The following ADAM2 variants were observed in gnomAD, a reference collection of about 807,000 sequenced individuals.
ADAM2 encodes the protein ADAM metallopeptidase domain 2.
In ADAM2, 101 loss-of-function variants were observed where a neutral mutation model predicts 99.3. The observed-to-expected ratio is 1.02, with a 90% CI of 0.87 to 1.20. The LOEUF (loss-of-function observed/expected upper bound fraction) is 1.20. Ranked by LOEUF, ADAM2 falls within the 50% of genes most tolerant of loss-of-function variation. ADAM2 has a pLI of 0.00. For synonymous variants in ADAM2, 323 were observed against 287.6 expected, an observed-to-expected ratio of 1.12 and a Z score of -1.25; for missense variants, 948 against 878.7, an observed-to-expected ratio of 1.08 and a Z score of -1.00.
At chr8:39,761,611 T>C (rs1802373515) in intron 14 of ADAM2, among the ~76,000 whole-genome samples, 1 of 152,206 alleles carries the variant, frequency 6.6e-6, no homozygotes, top group South Asian at 2.1e-4. Context: ...AATTGACTTA[T>C]TTGTCAAATA....
intron 20 of ADAM2, 99 bp from the exon 21 acceptor site, chr8:39,744,163 T>C (rs925116803): frequency 1.3e-5 from 2 of 152,144 alleles, no homozygotes; most frequent in Non-Finnish European, 2.9e-5. Flanking sequence ...AGTAGACTTA[T>C]ATCATGCAAT....
intron 12 of ADAM2, 136 bp downstream of exon 12, chr8:39,769,256 T>A (rs1354899111): frequency 1.6e-6 from 1 of 634,332 alleles, no homozygotes; most frequent in African/African-American, 1.8e-5. Flanking sequence ...TTAGTTGTTA[T>A]AATACCTACA....
At chr8:39,794,769 C>G (rs535612018) in intron 7 of ADAM2, among the ~76,000 whole-genome samples, 1 of 152,124 alleles carries the variant, frequency 6.6e-6, no homozygotes, top group Admixed American at 6.6e-5. Context: ...TTAAAAGGGA[C>G]AGGAATTGCT....
intron 6 of ADAM2, among the ~76,000 whole-genome samples, chr8:39,819,044 T>C (rs929317348): frequency 8.6e-5 from 13 of 152,034 alleles, no homozygotes; most frequent in African/African-American, 2.9e-4. Context: ...TAAAATACGT[T>C]TGGAAATGCA....
intron 6 of ADAM2, among the ~76,000 whole-genome samples, chr8:39,820,628 TA>T (rs1805136208): frequency 6.6e-6 from 1 of 152,142 alleles, no homozygotes. Flanking sequence ...CCTTACAAGA[TA>T]GGGGTGACTC....
At chr8:39,782,232 A>T (rs1803264857) in intron 10 of ADAM2, among the ~76,000 whole-genome samples, 1 of 152,110 alleles carries the variant, frequency 6.6e-6, no homozygotes, top group Admixed American at 6.6e-5. Flanking sequence ...GTAGGTTCTA[A>T]ATTTAACAAA....
At chr8:39,795,229 T>A (rs1370681796) in intron 7 of ADAM2, among the ~76,000 whole-genome samples, 1 of 152,110 alleles carries the variant, frequency 6.6e-6, no homozygotes, top group Non-Finnish European at 1.5e-5. Flanking sequence ...ACCAATCATC[T>A]GAATGACCCC....
intron 11 of ADAM2, among the ~76,000 whole-genome samples, chr8:39,772,167 G>C (rs898716891): frequency 6.6e-6 from 1 of 150,942 alleles, no homozygotes; most frequent in African/African-American, 2.4e-5. Context: ...TCCGATTAGA[G>C]TACTTTTTTG....
chr8:39,788,996 C>T (rs1803590941), intron 7 of ADAM2, among the ~76,000 whole-genome samples: 1 of 151,104 alleles, frequency 6.6e-6, no homozygotes, highest in Non-Finnish European at 1.5e-5. Context: ...TATAATTCTA[C>T]TATCAACAAA....
rs780561437 is a variant in ADAM2 at position 39,744,828 on chromosome 8, A to G, written c.*30+2T>C. The G allele has an allele frequency of 3.2e-6, 5 of 1,569,054 alleles. No individual in the cohort carries two copies. The highest frequency in any genetic ancestry group is 4.3e-6 in the Non-Finnish European group (5 of 1,156,988). On this transcript the variant is annotated splice_donor_variant, in intron 20 of 20. Coordinates refer to ENST00000265708, the MANE Select transcript of ADAM2 (RefSeq NM_001464.5). LOFTEE classifies it low-confidence loss of function (3UTR_SPLICE). ...AATTTTAAAAAAATGAAAGAAACTC[A>G]CAGTGATATCATGGCATCTCTGTTG...
At chr8:39,745,580 A>G (rs1823409272) in intron 19 of ADAM2, among the ~76,000 whole-genome samples, 1 of 152,086 alleles carries the variant, frequency 6.6e-6, no homozygotes, top group Non-Finnish European at 1.5e-5. Flanking sequence ...TATTTTTAAT[A>G]GAAGTTATTT....
chr8:39,818,089 C>T (rs1403269161), intron 6 of ADAM2: 1 of 151,894 alleles, frequency 6.6e-6, no homozygotes, highest in African/African-American at 2.4e-5. Flanking sequence ...AAGTTTGTAA[C>T]ACCCTGATAC....
chr8:39,820,074 A>C (rs943918308), intron 6 of ADAM2, among the ~76,000 whole-genome samples: 4 of 152,164 alleles, frequency 2.6e-5, no homozygotes. Context: ...TTACCACTGA[A>C]TACTTCTGAT....
At chr8:39,805,522 T>C (rs1463934120) in intron 7 of ADAM2, among the ~76,000 whole-genome samples, 2 of 152,024 alleles carry the variant, frequency 1.3e-5, no homozygotes, top group Non-Finnish European at 2.9e-5. Flanking sequence ...TTCTGGAAAA[T>C]GACCAAAGGA....
intron 16 of ADAM2, among the ~76,000 whole-genome samples, chr8:39,750,822 T>C (rs889545255): frequency 1.3e-5 from 2 of 152,196 alleles, no homozygotes; most frequent in Non-Finnish European, 2.9e-5. Context: ...CAGAGATCTC[T>C]TTCAACCTAT....
At chr8:39,782,084 T>C (rs1026465059) in intron 10 of ADAM2, among the ~76,000 whole-genome samples, 4 of 152,314 alleles carry the variant, frequency 2.6e-5, no homozygotes, top group African/African-American at 9.6e-5. Flanking sequence ...TACATCTACA[T>C]TGAAAGGCAA....
chr8:39,791,048 C>T (rs1228141250), intron 7 of ADAM2, among the ~76,000 whole-genome samples: 2 of 151,136 alleles, frequency 1.3e-5, no homozygotes, highest in African/African-American at 4.9e-5. Context: ...ATAATTATAA[C>T]ACTTACAATT....
chr8:39,814,825 CTA>C (rs750764598), intron 6 of ADAM2, among the ~76,000 whole-genome samples: 11 of 148,994 alleles, frequency 7.4e-5, no homozygotes, highest in African/African-American at 1.2e-4. Flanking sequence ...AGCCATAGAA[CTA>C]TATATATATA....
At chr8:39,802,727 C>T (rs1804271374) in intron 7 of ADAM2, among the ~76,000 whole-genome samples, 1 of 152,080 alleles carries the variant, frequency 6.6e-6, no homozygotes, top group African/African-American at 2.4e-5. Flanking sequence ...GCACCTGGTG[C>T]TATAACCAGG....
Sources: gnomAD v4.1 joint callset for allele counts (sites outside exome capture counted in the v4.1 genomes callset) on GRCh38, gnomAD v4.1.1 for gene constraint, MANE v1.5 for transcripts, NCBI Gene and HGNC (gene_info 2026-07-23, HGNC 2026-07-21) for gene names.